The following SETBP1 variants were observed in gnomAD, a reference collection of about 807,000 sequenced individuals.
SETBP1 encodes SET-binding protein.
A neutral mutation model predicts 101.0 loss-of-function variants in SETBP1; 9 were observed. That is an observed-to-expected ratio of 0.09 (90% CI 0.05 to 0.16). The LOEUF (loss-of-function observed/expected upper bound fraction) is 0.16, where lower values mean the gene tolerates loss of function less well. SETBP1 is among the 10% of genes least tolerant of loss of function. The pLI, the probability that SETBP1 is intolerant of heterozygous loss-of-function variation, is 1.00. For missense variants in SETBP1, 1,858 were observed against 2,033.8 expected (o/e 0.91, Z 1.66); for synonymous variants, 818 against 788.5 (o/e 1.04, Z -0.63).
Position 44,950,367 on chromosome 18 carries a change from A to T in SETBP1, c.1027A>T (p.Ile343Leu). ...SKKKSSKKDV[I>L]SQTIPNPDLD... The stretch of plus-strand genomic sequence containing the variant: ...GAAAAAGTCCAGTAAAAAAGATGTG[A>T]TAAGTCAGACCATACCAAACCCAGA... The change falls in exon 4 of 6, where the codon ATA becomes TTA. Residue 343 changes from isoleucine (I) to leucine (L), a missense_variant. Physicochemically the swap from Ile to Leu is conservative, Grantham distance 5 (BLOSUM62 2). This residue lies in a region of SETBP1 where 581 missense variants were observed against 535.1 expected (regional missense o/e 1.09). Coordinates refer to ENST00000649279, the MANE Select transcript of SETBP1 (RefSeq NM_015559.3). 2 of 1,614,136 alleles carry T rather than the reference A, an allele frequency of 1.2e-6. No individual in the cohort carries two copies. Among genetic ancestry groups the T allele is most frequent in the East Asian group, 4.5e-5 (2 of 44,878 alleles).
chr18:44,934,086 C>T (rs2070901350), intron 3 of SETBP1, among the ~76,000 whole-genome samples: 1 of 152,094 alleles, frequency 6.6e-6, no homozygotes, highest in South Asian at 2.1e-4. Context: ...AACATTTTTA[C>T]CAACCTTGTC....
At chr18:44,706,658 C>T (rs935723359) in intron 2 of SETBP1, among the ~76,000 whole-genome samples, 14 of 135,890 alleles carry the variant, frequency 1.0e-4, no homozygotes, top group Non-Finnish European at 1.2e-4. Context: ...GAAGAGTTTC[C>T]AAGCTGGGCA....
intron 2 of SETBP1, among the ~76,000 whole-genome samples, chr18:44,863,432 C>T (rs1379087142): frequency 2.0e-5 from 3 of 152,222 alleles, no homozygotes; most frequent in South Asian, 4.1e-4. Flanking sequence ...CAGCCCCCTG[C>T]ACACATATGA....
chr18:44,796,884 G>A (rs1252897942), intron 2 of SETBP1, among the ~76,000 whole-genome samples: 2 of 152,106 alleles, frequency 1.3e-5, no homozygotes, highest in Admixed American at 6.6e-5. Context: ...ATGCTCTACT[G>A]TAGCAAAATA....
rs1013992307 is a variant in SETBP1 at position 44,930,287 on chromosome 18, A to C, written c.541-19594A>C. Among the ~76,000 whole-genome samples, 6 of 152,288 alleles carry C rather than the reference A, an allele frequency of 3.9e-5. No individual in the cohort carries two copies. In the South Asian group the frequency reaches 6.2e-4, roughly 16 times the overall value. Reference sequence around the variant, plus strand: ...AGCCTTGCATCCCAGGGATGAAGCCAACTTGATCGTGGTGGATAAGCTTTT... The same window carrying C: ...AGCCTTGCATCCCAGGGATGAAGCCCACTTGATCGTGGTGGATAAGCTTTT... On this transcript the variant is annotated intron_variant, in intron 3 of 5. Transcript: ENST00000649279.
At chr18:44,801,768 CT>C (rs1032793487) in intron 2 of SETBP1, among the ~76,000 whole-genome samples, 554 of 137,080 alleles carry the variant, frequency 4.0e-3, no homozygotes, top group East Asian at 0.014. Flanking sequence ...TTAACAAAGA[CT>C]TTTTTTTTTT....
At chr18:44,932,693 A>G (rs147107471) in intron 3 of SETBP1, among the ~76,000 whole-genome samples, 256 of 151,368 alleles carry the variant, frequency 1.7e-3, no homozygotes, top group African/African-American at 5.8e-3. Context: ...CATTTATTTG[A>G]TCTTCCATCA....
At chr18:44,772,090 T>C (rs1380864018) in intron 2 of SETBP1, among the ~76,000 whole-genome samples, 1 of 152,116 alleles carries the variant, frequency 6.6e-6, no homozygotes, top group South Asian at 2.1e-4. Context: ...GCTTCCTCTT[T>C]CCCCATCCTC....
chr18:44,952,055 T>G lies in SETBP1; in HGVS notation c.2715T>G (p.Ile905Met). The G allele has an allele frequency of 6.2e-7, 1 of 1,614,042 alleles. No homozygotes were observed. The highest frequency in any genetic ancestry group is 8.5e-7 in the Non-Finnish European group (1 of 1,180,018). The change falls in exon 4 of 6, where the codon ATT (isoleucine) becomes ATG (methionine). Residue 905 changes from isoleucine (I) to methionine (M), a missense_variant. This residue lies in a region of SETBP1 where 255 missense variants were observed against 300.1 expected (regional missense o/e 0.85). Coordinates refer to ENST00000649279, the MANE Select transcript of SETBP1 (RefSeq NM_015559.3). Reference sequence around the variant, plus strand: ...GCTCCCTGGACAACCCGGAGGCCATTCCGTCCGACACCAGCACAAAGAACC... The same window carrying G: ...GCTCCCTGGACAACCCGGAGGCCATGCCGTCCGACACCAGCACAAAGAACC... ...DFCSLDNPEA[I>M]PSDTSTKNRH...
At position 44,789,115 on chromosome 18, in the gene SETBP1, A is replaced by G. The variant is rs559527610; in HGVS notation, c.487-80115A>G. Among the ~76,000 whole-genome samples, 4 of 152,226 alleles carry G rather than the reference A, an allele frequency of 2.6e-5. No homozygotes were observed. In the East Asian group the frequency reaches 7.7e-4, roughly 29 times the overall value. On this transcript the variant is annotated intron_variant, in intron 2 of 5. Coordinates refer to ENST00000649279, the MANE Select transcript of SETBP1 (RefSeq NM_015559.3). ...ACCGCACCCGGCTTCCTCCTGTTTT[A>G]AAACATGATTTAAAGTGTCTTATTT... is the stretch of plus-strand genomic sequence containing the variant.
intron 5 of SETBP1, among the ~76,000 whole-genome samples, chr18:45,040,611 C>T (rs1408926143): frequency 6.6e-6 from 1 of 151,666 alleles, no homozygotes; most frequent in Non-Finnish European, 1.5e-5. Flanking sequence ...CCATTTTCCT[C>T]CCTTGCACTC....
intron 1 of SETBP1, among the ~76,000 whole-genome samples, chr18:44,696,541 G>A (rs1219848901): frequency 1.3e-5 from 2 of 152,218 alleles, no homozygotes; most frequent in African/African-American, 4.8e-5. Context: ...GTTTTGGAGG[G>A]GAGGGAGGAT....
intron 2 of SETBP1, among the ~76,000 whole-genome samples, chr18:44,800,186 G>T (rs553531058): frequency 9.2e-5 from 14 of 152,188 alleles, no homozygotes; most frequent in African/African-American, 2.9e-4. Context: ...TTTATGCTAG[G>T]AGACCTCAAG....
chr18:44,779,809 T>C (rs900832300), intron 2 of SETBP1, among the ~76,000 whole-genome samples: 1 of 152,120 alleles, frequency 6.6e-6, no homozygotes, highest in East Asian at 1.9e-4. Context: ...TGCATCAACC[T>C]CAGAAGTCAC....
intron 4 of SETBP1, among the ~76,000 whole-genome samples, chr18:45,030,550 C>T (rs1208316929): frequency 6.8e-6 from 1 of 147,900 alleles, no homozygotes; most frequent in Non-Finnish European, 1.5e-5. Context: ...AGGATTCCCT[C>T]TTTTTCTATT....
intron 2 of SETBP1, among the ~76,000 whole-genome samples, chr18:44,824,281 T>G (rs1260174678): frequency 6.6e-6 from 1 of 152,184 alleles, no homozygotes; most frequent in Non-Finnish European, 1.5e-5. Context: ...CACCCAACAG[T>G]GCACCCTGCC....
chr18:44,854,393 T>G (rs1411399465), intron 2 of SETBP1, among the ~76,000 whole-genome samples: 1 of 152,172 alleles, frequency 6.6e-6, no homozygotes, highest in Non-Finnish European at 1.5e-5. Flanking sequence ...TTCTACAAGG[T>G]GGGTCAATCC....
At chr18:44,944,392 T>A (rs2145062859) in intron 3 of SETBP1, among the ~76,000 whole-genome samples, 1 of 152,256 alleles carries the variant, frequency 6.6e-6, no homozygotes. Flanking sequence ...AGAGAAGAAA[T>A]GTGGTGTTAA....
intron 4 of SETBP1, among the ~76,000 whole-genome samples, chr18:44,957,254 G>A (rs2071506773): frequency 6.6e-6 from 1 of 152,076 alleles, no homozygotes; most frequent in African/African-American, 2.4e-5. Context: ...TTCACAAGGT[G>A]GTGGAAGAGT....
Sources: gnomAD v4.1 joint callset for allele counts (sites outside exome capture counted in the v4.1 genomes callset) on GRCh38, gnomAD v4.1.1 for gene constraint, gnomAD v4.1.1 regional missense constraint, MANE v1.5 for transcripts, NCBI Gene and HGNC (gene_info 2026-07-23, HGNC 2026-07-21) for gene names.